INPP4B: variants seen among roughly 807,000 people sequenced by gnomAD.
The protein encoded by INPP4B is inositol polyphosphate-4-phosphatase type II B.
Under a neutral mutation model 122.5 loss-of-function variants are expected in INPP4B, and 55 were observed. The observed-to-expected ratio is 0.45, with a 90% CI of 0.36 to 0.56. The LOEUF (loss-of-function observed/expected upper bound fraction) is 0.56. Ranked by LOEUF, INPP4B falls within the 20% of genes least tolerant of loss-of-function variation. The pLI is 0.00. For missense variants in INPP4B, 1,000 were observed against 1,097.7 expected, an observed-to-expected ratio of 0.91 and a Z score of 1.26; for synonymous variants, 403 against 388.7, an observed-to-expected ratio of 1.04 and a Z score of -0.43.
At chr4:142,494,826 C>T (rs1019356237) in intron 2 of INPP4B, among the ~76,000 whole-genome samples, 1 of 152,094 alleles carries the variant, frequency 6.6e-6, no homozygotes, top group South Asian at 2.1e-4. Flanking sequence ...AGTCTTTGCT[C>T]TACCTCCTCA....
At chr4:142,718,262 T>C (rs1156932331) in intron 2 of INPP4B, among the ~76,000 whole-genome samples, 1 of 152,154 alleles carries the variant, frequency 6.6e-6, no homozygotes, top group East Asian at 1.9e-4. Flanking sequence ...TACAAGCAAA[T>C]GAACATGTTG....
chr4:142,556,728 C>T (rs1468586519), intron 2 of INPP4B, among the ~76,000 whole-genome samples: 1 of 152,108 alleles, frequency 6.6e-6, no homozygotes, highest in Non-Finnish European at 1.5e-5. Context: ...TGTTTTAAAT[C>T]ACCTAAGACA....
intron 25 of INPP4B, among the ~76,000 whole-genome samples, chr4:142,050,707 T>C (rs996256979): frequency 6.6e-6 from 1 of 152,064 alleles, no homozygotes; most frequent in African/African-American, 2.4e-5. Flanking sequence ...GATGATAAAT[T>C]TGTATACACA....
intron 16 of INPP4B, among the ~76,000 whole-genome samples, chr4:142,173,414 T>C (rs1019741281): frequency 2.0e-5 from 3 of 150,396 alleles, no homozygotes; most frequent in Non-Finnish European, 2.9e-5. Flanking sequence ...ACAGGTTTCA[T>C]TTCCTACTAA....
At chr4:142,554,596 A>C (rs1271252491) in intron 2 of INPP4B, among the ~76,000 whole-genome samples, 1 of 152,154 alleles carries the variant, frequency 6.6e-6, no homozygotes, top group Non-Finnish European at 1.5e-5. Flanking sequence ...GCTTCACCTT[A>C]CATCAAACTA....
intron 12 of INPP4B, 55 bp from the exon 13 acceptor site, chr4:142,209,081 C>T (rs1843752265): frequency 5.2e-6 from 7 of 1,346,696 alleles, no homozygotes; most frequent in East Asian, 4.7e-5. Context: ...TCCATAAACG[C>T]ATAACCCTTA....
intron 2 of INPP4B, among the ~76,000 whole-genome samples, chr4:142,624,713 A>G (rs1048974274): frequency 6.6e-6 from 1 of 152,178 alleles, no homozygotes; most frequent in African/African-American, 2.4e-5. Flanking sequence ...CTTGATGAAC[A>G]TTCGTGAAAA....
At chr4:142,673,495 G>A (rs770873456) in intron 2 of INPP4B, among the ~76,000 whole-genome samples, 8 of 151,626 alleles carry the variant, frequency 5.3e-5, no homozygotes, top group Non-Finnish European at 8.8e-5. Flanking sequence ...AGAATAATAC[G>A]TTTGCAACCT....
At chr4:142,748,390 A>G (rs970751218) in intron 1 of INPP4B, among the ~76,000 whole-genome samples, 10 of 152,172 alleles carry the variant, frequency 6.6e-5, no homozygotes, top group African/African-American at 2.4e-4. Context: ...AAAAATCAGA[A>G]CAGAAGCCAA....
chr4:142,429,672 C>A (rs545830771), intron 4 of INPP4B, among the ~76,000 whole-genome samples: 2 of 152,070 alleles, frequency 1.3e-5, no homozygotes, highest in East Asian at 3.9e-4. Flanking sequence ...TTATGATGGA[C>A]ATTGTAGTGC....
intron 2 of INPP4B, among the ~76,000 whole-genome samples, chr4:142,500,229 T>A (rs1264633996): frequency 6.6e-6 from 1 of 152,168 alleles, no homozygotes; most frequent in Non-Finnish European, 1.5e-5. Flanking sequence ...GGCACTTAAA[T>A]CCTATATATT....
intron 1 of INPP4B, among the ~76,000 whole-genome samples, chr4:142,736,601 T>C (rs981463078): frequency 5.3e-5 from 8 of 152,288 alleles, no homozygotes; most frequent in Middle Eastern, 3.4e-3. Flanking sequence ...TCTCTGTTTG[T>C]CTGTTATTGG....
chr4:142,209,945 C>T (rs1251686110), intron 12 of INPP4B, among the ~76,000 whole-genome samples: 2 of 152,006 alleles, frequency 1.3e-5, no homozygotes, highest in African/African-American at 2.4e-5. Context: ...GAAGAGCTAA[C>T]CATGTCATTT....
intron 2 of INPP4B, among the ~76,000 whole-genome samples, chr4:142,709,476 G>T (rs1272490321): frequency 5.9e-5 from 9 of 152,096 alleles, no homozygotes. Flanking sequence ...GGGTCTGGTG[G>T]GATGTGACTG....
At chr4:142,594,790 C>A (rs1738304702) in intron 2 of INPP4B, among the ~76,000 whole-genome samples, 1 of 151,598 alleles carries the variant, frequency 6.6e-6, no homozygotes, top group Admixed American at 6.6e-5. Context: ...CCCATCTCTA[C>A]CAAAAATACA....
intron 9 of INPP4B, among the ~76,000 whole-genome samples, chr4:142,297,479 A>G (rs947356238): frequency 6.6e-6 from 1 of 152,134 alleles, no homozygotes; most frequent in African/African-American, 2.4e-5. Flanking sequence ...CATCCTAGAG[A>G]TAATGAGTGA....
chr4:142,198,404 A>G (rs1342499281), intron 14 of INPP4B, among the ~76,000 whole-genome samples: 2 of 151,998 alleles, frequency 1.3e-5, no homozygotes, highest in East Asian at 1.9e-4. Context: ...GATCTTAATT[A>G]TCTTTCTCAT....
At chr4:142,486,735 T>C (rs1370890033) in intron 2 of INPP4B, among the ~76,000 whole-genome samples, 1 of 152,228 alleles carries the variant, frequency 6.6e-6, no homozygotes, top group Non-Finnish European at 1.5e-5. Context: ...TAAAGTTTTA[T>C]ATTTTAGCTC....
At chr4:142,193,749 T>C (rs1225365739) in intron 14 of INPP4B, among the ~76,000 whole-genome samples, 4 of 152,202 alleles carry the variant, frequency 2.6e-5, no homozygotes, top group African/African-American at 7.2e-5. Flanking sequence ...TTTCCTTAGG[T>C]GACATAGAAA....
Sources: allele counts gnomAD v4.1 joint callset (sites outside exome capture counted in the v4.1 genomes callset), GRCh38; gene constraint gnomAD v4.1.1; transcripts MANE v1.5; gene names NCBI Gene and HGNC (gene_info 2026-07-23, HGNC 2026-07-21).